HSPG2: variants seen among roughly 807,000 people sequenced by gnomAD.
The protein encoded by HSPG2 is heparan sulfate proteoglycan 2.
A neutral mutation model predicts 526.6 loss-of-function variants in HSPG2; 278 were observed. The ratio of observed to expected loss-of-function variants is 0.53; its 90% CI spans 0.48 to 0.58. The LOEUF (loss-of-function observed/expected upper bound fraction) is 0.58, where lower values mean the gene tolerates loss of function less well. Ranked by LOEUF, HSPG2 falls within the 20% of genes least tolerant of loss-of-function variation. HSPG2 has a pLI of 0.00. For synonymous variants in HSPG2, 2,465 were observed against 2,555.4 expected, an observed-to-expected ratio of 0.96 and a Z score of 1.07; for missense variants, 5,354 against 6,099.5, an observed-to-expected ratio of 0.88 and a Z score of 4.07.
In HSPG2 at chr1:21,834,666, C is replaced by T; in HGVS notation, c.10720+13G>A. On this transcript the variant is annotated intron_variant, in intron 77 of 96. Coordinates refer to ENST00000374695, the MANE Select transcript of HSPG2 (RefSeq NM_005529.7). ...CTCACTGTCCCCCAACAAAAGTCCCCACTGGCCTTCACCTTGCACAAGCAG... is the reference window on the plus strand; with the variant it reads ...CTCACTGTCCCCCAACAAAAGTCCCTACTGGCCTTCACCTTGCACAAGCAG... 1 of 1,613,894 alleles carries T rather than the reference C, an allele frequency of 6.2e-7. No homozygotes were observed.
rs1411207682 is a variant in HSPG2, at chr1:21,900,417, A to G, written c.64-4107T>C. ...GGGCGAGGGCTTCTGGGAGGCACCCAATCCCAGAGGTGGGCTATGTCCAGG... is the reference window on the plus strand; with the variant it reads ...GGGCGAGGGCTTCTGGGAGGCACCCGATCCCAGAGGTGGGCTATGTCCAGG... On this transcript the variant is annotated intron_variant, in intron 1 of 96. Transcript: ENST00000374695. Among the ~76,000 whole-genome samples the G allele has an allele frequency of 2.0e-5, 3 of 152,160 alleles. No individual in the cohort carries two copies. In the East Asian group the frequency reaches 5.8e-4, roughly 29 times the overall value.
At chr1:21,827,714 T>A in intron 91 of HSPG2, 149 bp downstream of exon 91, 1 of 910,748 alleles carries the variant, frequency 1.1e-6, no homozygotes, top group Non-Finnish European at 1.7e-6. Context: ...AGGCCCTAGC[T>A]CCACATGGCT....
At chr1:21,932,680 G>A (rs182085109) in intron 1 of HSPG2, among the ~76,000 whole-genome samples, 9 of 152,288 alleles carry the variant, frequency 5.9e-5, no homozygotes, top group African/African-American at 1.7e-4. Flanking sequence ...GAGGGAGAGG[G>A]TCATATGGAT....
At chr1:21,868,028 C>T (rs1397527389) in intron 33 of HSPG2, among the ~76,000 whole-genome samples, 1 of 151,270 alleles carries the variant, frequency 6.6e-6, no homozygotes, top group Non-Finnish European at 1.5e-5. Context: ...CCGCACCCAG[C>T]CAGGAAGCTG....
At chr1:21,830,144 G>A (rs1292782781) in intron 85 of HSPG2, 53 bp from the exon 86 acceptor site, 3 of 1,427,404 alleles carry the variant, frequency 2.1e-6, no homozygotes, top group Admixed American at 3.9e-5. Flanking sequence ...TGGAGGGAGG[G>A]GGGTCCTGAT....
At chr1:21,914,951 C>A (rs1170857118) in intron 1 of HSPG2, among the ~76,000 whole-genome samples, 1 of 152,242 alleles carries the variant, frequency 6.6e-6, no homozygotes, top group Non-Finnish European at 1.5e-5. Context: ...CAGAGCCCAG[C>A]CACAGCCACG....
At chr1:21,894,045 A>C (rs1313572615) in intron 3 of HSPG2, among the ~76,000 whole-genome samples, 1 of 152,032 alleles carries the variant, frequency 6.6e-6, no homozygotes, top group Non-Finnish European at 1.5e-5. Context: ...GACAGGGGAC[A>C]CACACAGACA....
intron 21 of HSPG2, among the ~76,000 whole-genome samples, chr1:21,877,945 G>A (rs1187323429): frequency 6.6e-6 from 1 of 152,242 alleles, no homozygotes; most frequent in Non-Finnish European, 1.5e-5. Flanking sequence ...CAGATACAAA[G>A]GCTGCATAAA....
Position 21,855,902 on chromosome 1 carries a change from G to C in HSPG2, c.5586C>G (p.Thr1862=). Residue 1862 remains threonine (T), a synonymous_variant, in exon 45 of 97, where the codon ACC becomes ACG. Coordinates refer to ENST00000374695, the MANE Select transcript of HSPG2 (RefSeq NM_005529.7). The part of the protein sequence containing the change: ...TATLHVQASG[T]LSAPVVSIHP... ...GGATGGAGACCACGGGGGCGGACAA[G>C]GTGCCCGAGGCTGACAAGGGAGGAA... The C allele has an allele frequency of 1.2e-6, 2 of 1,610,018 alleles. No individual in the cohort carries two copies. The highest frequency in any genetic ancestry group is 1.7e-6 in the Non-Finnish European group (2 of 1,179,962).
chr1:21,852,541 CGGTGGTTACTCTGACA>C (rs1207970411), intron 52 of HSPG2, among the ~76,000 whole-genome samples, 143 bp downstream of exon 52: 1 of 152,160 alleles, frequency 6.6e-6, no homozygotes, highest in Non-Finnish European at 1.5e-5. Flanking sequence ...GACGGGAAGG[CGGTGGTTACTCTGACA>C]GGTGGAGTCG....
rs147768385 is a variant in HSPG2 at position 21,872,207 on chromosome 1, C to T, written c.4200G>A (p.Pro1400=). The T allele has an allele frequency of 3.4e-5, 53 of 1,551,690 alleles. No individual in the cohort carries two copies. The highest frequency in any genetic ancestry group is 1.2e-4 in the African/African-American group (9 of 73,072). Residue 1400 remains proline, a synonymous_variant, in exon 33 of 97, where the codon CCG becomes CCA. Coordinates refer to ENST00000374695, the MANE Select transcript of HSPG2 (RefSeq NM_005529.7). The surrounding 1 kb of genome is among the most constrained non-coding windows in gnomAD (Gnocchi z 5.5). ...CCACCTTGTCTCCCTGGTATGTCTC[C>T]GGCAGCTGCCAGTAGAAGGACTCAT... is the stretch of plus-strand genomic sequence containing the variant. ...LGHESFYWQL[P]ETYQGDKVAA...
Position 21,852,980 on chromosome 1 carries a change from C to G in HSPG2, c.6530G>C (p.Gly2177Ala). The G allele has an allele frequency of 6.2e-7, 1 of 1,613,620 alleles. No individual in the cohort carries two copies. Among genetic ancestry groups the G allele is most frequent in the Non-Finnish European group, 8.5e-7 (1 of 1,179,908 alleles). ...QTLDLNCVVP[G>A]QAHAQVTWHK... ...CCACGTGACCTGGGCGTGGGCCTGC[C>G]CGGGCACCACGCAGTTCAGATCCAG... Residue 2177 changes from glycine (G) to alanine (A), a missense_variant, in exon 51 of 97, where the codon GGG becomes GCG. Gly to Ala is a moderately conservative substitution (Grantham distance 60, BLOSUM62 0). Transcript: ENST00000374695.
rs3077631 is a variant in HSPG2 at position 21,867,120 on chromosome 1, C to CTTTTT, written c.4222-1316_4222-1312dup. Among the ~76,000 whole-genome samples, 55 of 123,414 alleles carry CTTTTT rather than the reference C, an allele frequency of 4.5e-4. 2 individuals are homozygous for CTTTTT. Among genetic ancestry groups the CTTTTT allele is most frequent in the African/African-American group, 1.2e-3 (37 of 30,350 alleles). 81.0% of individuals were successfully genotyped at this position (123,414 alleles called of 152,430 possible). A position where few individuals can be genotyped will look rare whatever the true frequency, so the allele number is the denominator to read the frequency against. On this transcript the variant is annotated intron_variant, in intron 33 of 96. Coordinates refer to ENST00000374695, the MANE Select transcript of HSPG2 (RefSeq NM_005529.7). ...GGGGTCGCCCTATGTTGCTCAGGCA[C>CTTTTT]TTTTTTTTTTTTTTAAATAGAGATG...
At chr1:21,900,754 G>A (rs1643054144) in intron 1 of HSPG2, among the ~76,000 whole-genome samples, 1 of 152,108 alleles carries the variant, frequency 6.6e-6, no homozygotes, top group African/African-American at 2.4e-5. Context: ...GCGCGGTGGT[G>A]CATGCCTATA....
chr1:21,833,936 T>A lies in HSPG2; in HGVS notation c.10721-11A>T. 1 of 1,554,240 alleles carries A rather than the reference T, an allele frequency of 6.4e-7. No individual in the cohort carries two copies. The highest frequency in any genetic ancestry group is 8.8e-7 in the Non-Finnish European group (1 of 1,142,708). ...AGATCTGGGGCAAGGCTGAGAGGCA[T>A]GGAAGAGACATAGGCCATCAACATG... On this transcript the variant is annotated splice_polypyrimidine_tract_variant and intron_variant, in intron 77 of 96. Transcript: ENST00000374695.
chr1:21,831,366 C>A, intron 83 of HSPG2, 42 bp from the exon 84 acceptor site: 8 of 1,604,486 alleles, frequency 5.0e-6, no homozygotes, highest in Non-Finnish European at 6.8e-6. Context: ...GCAGGGTGTC[C>A]CAGCCCATAC....
chr1:21,880,738 C>T lies in HSPG2; in HGVS notation c.1916G>A (p.Gly639Asp). 1 of 1,601,922 alleles carries T rather than the reference C, an allele frequency of 6.2e-7. No individual in the cohort carries two copies. The highest frequency in any genetic ancestry group is 8.5e-7 in the Non-Finnish European group (1 of 1,174,838). ...PVQRPDVVLM[G>D]AGYRLLSRGH... ...TCGGGAGAGGAGGCGGTACCCGGCA[C>T]CCATGAGGACCACGTCCGGCCGCTG... The change falls in exon 15 of 97, where the codon GGT (glycine) becomes GAT (aspartate). Residue 639 changes from glycine (G) to aspartate (D), a missense_variant. Coordinates refer to ENST00000374695, the MANE Select transcript of HSPG2 (RefSeq NM_005529.7).
At position 21,838,975 on chromosome 1, in the gene HSPG2, G is replaced by A. The variant is rs772601940; in HGVS notation, c.10000C>T (p.Arg3334Cys). The change falls in exon 74 of 97, where the codon CGC becomes TGC. Residue 3334 changes from arginine to cysteine, a missense_variant. By Grantham distance (180) the Arg-to-Cys change is radical (BLOSUM62 -3). Coordinates refer to ENST00000374695, the MANE Select transcript of HSPG2 (RefSeq NM_005529.7). ...CTCCCAGGAAGGCTGCTGCCCACGC[G>A]GCTCCACTGGAAGGTGAGTGGGGGT... ...GTPPLTFQWS[R>C]VGSSLPGRAT... The A allele has an allele frequency of 5.0e-6, 8 of 1,612,654 alleles. No homozygotes were observed. The highest frequency in any genetic ancestry group is 3.3e-5 in the South Asian group (3 of 91,044).
In HSPG2 at chr1:21,855,559, C is replaced by A; in HGVS notation, c.5818G>T (p.Gly1940Trp). ...QYLCRAHSSAGQQVARAVLHV... is the reference protein window; with the variant it reads ...QYLCRAHSSAWQQVARAVLHV... ...AGCACAGCCCTGGCCACCTGCTGCC[C>A]AGCGCTGCTGTGGGCTCGGCACAAG... Residue 1940 changes from glycine (G) to tryptophan (W), a missense_variant, in exon 46 of 97, where the codon GGG becomes TGG. By Grantham distance (184) the Gly-to-Trp change is radical. Coordinates refer to ENST00000374695, the MANE Select transcript of HSPG2 (RefSeq NM_005529.7). 1 of 1,603,150 alleles carries A rather than the reference C, an allele frequency of 6.2e-7. No individual in the cohort carries two copies. The highest frequency in any genetic ancestry group is 1.3e-5 in the African/African-American group (1 of 74,946).
Sources: gnomAD v4.1 joint callset for allele counts (sites outside exome capture counted in the v4.1 genomes callset) on GRCh38, gnomAD v4.1.1 for gene constraint, Gnocchi (gnomAD v3.1) non-coding constraint, MANE v1.5 for transcripts, NCBI Gene and HGNC (gene_info 2026-07-23, HGNC 2026-07-21) for gene names.